ARID4B: variants seen among roughly 807,000 people sequenced by gnomAD.
ARID4B encodes AT-rich interactive domain-containing protein 4B.
A neutral mutation model predicts 147.5 loss-of-function variants in ARID4B; 26 were observed. That is an observed-to-expected ratio of 0.18 (90% CI 0.13 to 0.24). The LOEUF is 0.24. Ranked by LOEUF, ARID4B falls within the 10% of genes least tolerant of loss-of-function variation. The probability of loss-of-function intolerance (pLI) is 1.00; values close to 1 mark genes in which losing one functional copy is unlikely to be tolerated. For synonymous variants in ARID4B, 512 were observed against 507.9 expected (o/e 1.01, Z -0.11); for missense variants, 1,179 against 1,511.5 (o/e 0.78, Z 3.65).
intron 2 of ARID4B, among the ~76,000 whole-genome samples, chr1:235,305,259 G>A (rs1673463119): frequency 6.6e-6 from 1 of 152,118 alleles, no homozygotes; most frequent in African/African-American, 2.4e-5. Context: ...AGCTGGAAAA[G>A]AGGCAAGGAA....
At chr1:235,312,260 T>C (rs1674101685) in intron 2 of ARID4B, among the ~76,000 whole-genome samples, 2 of 152,082 alleles carry the variant, frequency 1.3e-5, no homozygotes, top group Non-Finnish European at 2.9e-5. Flanking sequence ...CACTCTAGTC[T>C]GGTGACAGAG....
Position 235,197,732 on chromosome 1 carries a change from G to GT in ARID4B, c.1842-1618dup, listed in dbSNP as rs575652206. On this transcript the variant is annotated intron_variant, in intron 17 of 23. Coordinates refer to ENST00000264183, the MANE Select transcript of ARID4B (RefSeq NM_016374.6). ...AAATAATGGTACATACCATATATGGGTTTTTTTGTAGAAATATATGGTAAG... is the reference window on the plus strand; with the variant it reads ...AAATAATGGTACATACCATATATGGGTTTTTTTTGTAGAAATATATGGTAAG... 6.0e-3 allele frequency among the ~76,000 whole-genome samples: 910 copies of GT among 152,158 alleles called. 14 individuals carry two copies. The highest frequency in any genetic ancestry group is 0.021 in the African/African-American group (863 of 41,522).
intron 17 of ARID4B, among the ~76,000 whole-genome samples, chr1:235,208,410 T>G (rs1666468507): frequency 6.7e-6 from 1 of 149,698 alleles, no homozygotes; most frequent in African/African-American, 2.6e-5. Flanking sequence ...TATTAAAAAC[T>G]ACTTAAGCAG....
intron 16 of ARID4B, among the ~76,000 whole-genome samples, chr1:235,215,696 C>A (rs1313572684): frequency 6.6e-6 from 1 of 151,710 alleles, no homozygotes; most frequent in East Asian, 1.9e-4. Context: ...GATCCTCCCA[C>A]CTCAGCATCC....
intron 5 of ARID4B, among the ~76,000 whole-genome samples, chr1:235,255,265 ATATATC>A (rs1364410312): frequency 1.5e-5 from 1 of 64,582 alleles, no homozygotes; most frequent in African/African-American, 6.9e-5. Context: ...ATAGATAGAT[ATATATC>A]TCTCTCTCTC....
intron 2 of ARID4B, among the ~76,000 whole-genome samples, chr1:235,315,166 G>A (rs1464274831): frequency 6.6e-6 from 1 of 152,178 alleles, no homozygotes; most frequent in Non-Finnish European, 1.5e-5. Context: ...GCTCACATCT[G>A]TAATCCCAAC....
At chr1:235,298,571 CAT>C (rs1219418804) in intron 2 of ARID4B, among the ~76,000 whole-genome samples, 2 of 147,232 alleles carry the variant, frequency 1.4e-5, no homozygotes, top group East Asian at 3.9e-4. Flanking sequence ...TATATATATC[CAT>C]ATATATGAAT....
Position 235,175,205 on chromosome 1 carries a change from A to G in ARID4B, c.3643T>C (p.Tyr1215His). The change falls in exon 22 of 24, where the codon TAC (tyrosine) becomes CAC (histidine). Residue 1215 changes from tyrosine (Y) to histidine (H), a missense_variant. Tyr to His is a moderately conservative substitution (Grantham distance 83, BLOSUM62 2). Coordinates refer to ENST00000264183, the MANE Select transcript of ARID4B (RefSeq NM_016374.6). ...KEPSNRLPKV[Y>H]KWSFQMSDLE... is the part of the protein sequence containing the mutation. The stretch of plus-strand genomic sequence containing the variant: ...TTACACATCTGAAAACTCCATTTGT[A>G]AACTTTGGGTAATCGATTACTGGGT... 1 of 1,614,082 alleles carries G rather than the reference A, an allele frequency of 6.2e-7. No individual in the cohort carries two copies. Among genetic ancestry groups the G allele is most frequent in the Non-Finnish European group, 8.5e-7 (1 of 1,179,904 alleles).
chr1:235,229,265 T>G lies in ARID4B; in HGVS notation c.863A>C (p.Glu288Ala), dbSNP rs1209003909. 1 of 1,612,408 alleles carries G rather than the reference T, an allele frequency of 6.2e-7. No individual in the cohort carries two copies. Among genetic ancestry groups the G allele is most frequent in the African/African-American group, 1.3e-5 (1 of 74,870 alleles). ...ACTGCTATTATCCTCCTTTTCTTTT[T>G]CATCATCTTCCTCCTCCTCTTCTTC... ...AEEEEEEEDDEKEKEDNSSEE... is the reference protein window; with the variant it reads ...AEEEEEEEDDAKEKEDNSSEE... The change falls in exon 11 of 24, where the codon GAA (glutamate) becomes GCA (alanine). Residue 288 changes from glutamate to alanine, a missense_variant. Coordinates refer to ENST00000264183, the MANE Select transcript of ARID4B (RefSeq NM_016374.6).
intron 6 of ARID4B, among the ~76,000 whole-genome samples, chr1:235,250,994 G>T (rs1222105220): frequency 6.6e-6 from 1 of 152,110 alleles, no homozygotes; most frequent in Non-Finnish European, 1.5e-5. Context: ...GTACGGAAAT[G>T]AAATTAAAAT....
chr1:235,181,516 CT>C, intron 20 of ARID4B, 68 bp downstream of exon 20: 1 of 1,531,688 alleles, frequency 6.5e-7, no homozygotes, highest in Non-Finnish European at 8.8e-7. Context: ...ACAAGAGATA[CT>C]GTGAAATCAT....
At chr1:235,285,435 A>G (rs1251851965) in intron 2 of ARID4B, among the ~76,000 whole-genome samples, 1 of 152,226 alleles carries the variant, frequency 6.6e-6, no homozygotes, top group Non-Finnish European at 1.5e-5. Context: ...GTAATCTCTC[A>G]GCAAACTAGG....
At chr1:235,220,070 T>C (rs1281525753) in intron 15 of ARID4B, 102 bp from the exon 16 acceptor site, 2 of 848,368 alleles carry the variant, frequency 2.4e-6, no homozygotes, top group Non-Finnish European at 3.3e-6. Flanking sequence ...AATTCTAATA[T>C]TAAAAGTTAT....
intron 11 of ARID4B, among the ~76,000 whole-genome samples, chr1:235,227,900 T>G (rs556417220): frequency 1.8e-3 from 272 of 147,760 alleles, no homozygotes; most frequent in Non-Finnish European, 2.7e-3. Flanking sequence ...TGGCGCAATC[T>G]CAGCTCACTG....
chr1:235,324,308 C>T (rs1004628123), intron 2 of ARID4B, among the ~76,000 whole-genome samples: 3 of 152,180 alleles, frequency 2.0e-5, no homozygotes, highest in South Asian at 4.1e-4. Flanking sequence ...TTATGTATTA[C>T]GAATCATATT....
intron 2 of ARID4B, among the ~76,000 whole-genome samples, chr1:235,303,048 C>A (rs967345938): frequency 6.6e-6 from 1 of 152,024 alleles, no homozygotes; most frequent in African/African-American, 2.4e-5. Context: ...CTCAGCCTCT[C>A]GACTAGCTGG....
chr1:235,309,463 G>A (rs1401849769), intron 2 of ARID4B, among the ~76,000 whole-genome samples: 1 of 149,364 alleles, frequency 6.7e-6, no homozygotes, highest in Admixed American at 6.6e-5. Context: ...CCCCATCCGG[G>A]AGGTAAGGGG....
intron 2 of ARID4B, among the ~76,000 whole-genome samples, chr1:235,292,509 G>C (rs912503496): frequency 6.6e-6 from 1 of 151,950 alleles, no homozygotes; most frequent in Non-Finnish European, 1.5e-5. Flanking sequence ...CCAGCTACTT[G>C]GGAGGCTGAG....
At chr1:235,171,002 T>C (rs1263453933) in intron 23 of ARID4B, among the ~76,000 whole-genome samples, 1 of 151,752 alleles carries the variant, frequency 6.6e-6, no homozygotes, top group Admixed American at 6.6e-5. Flanking sequence ...TTTTAAGAGA[T>C]TGTTCCATAT....
Sources: allele counts gnomAD v4.1 joint callset (sites outside exome capture counted in the v4.1 genomes callset), GRCh38; gene constraint gnomAD v4.1.1; transcripts MANE v1.5; gene names NCBI Gene and HGNC (gene_info 2026-07-23, HGNC 2026-07-21).